Variants in NECAB2 observed in about 807,000 individuals in gnomAD.
The protein encoded by NECAB2 is N-terminal EF-hand calcium-binding protein 2.
NECAB2 carries 68 observed loss-of-function variants against 51.9 expected under a neutral mutation model. The ratio of observed to expected loss-of-function variants is 1.31; its 90% CI spans 1.08 to 1.60. NECAB2 has a LOEUF of 1.60. Among genes scored for constraint, NECAB2 ranks in the 40% most tolerant of loss-of-function variants. NECAB2 has a pLI of 0.00. For missense variants in NECAB2, 854 were observed against 490.3 expected (o/e 1.74, Z -7.00); for synonymous variants, 329 against 203.5 (o/e 1.62, Z -5.25).
chr16:83,965,645 T>C, upstream of NECAB2: 10 of 1,613,372 alleles, frequency 6.2e-6, no homozygotes, highest in Non-Finnish European at 8.5e-6. Context: ...CTATGAGGGT[T>C]ACCGCAGCCT....
intron 2 of NECAB2, among the ~76,000 whole-genome samples, chr16:83,974,520 G>A (rs111424076): frequency 2.4e-4 from 36 of 152,288 alleles, no homozygotes; most frequent in African/African-American, 8.4e-4. Flanking sequence ...GAGGCTGCCA[G>A]CAGTCACTGA....
At chr16:83,994,499 G>A (rs16962439) in intron 7 of NECAB2, 79 bp downstream of exon 7, 4 of 1,590,048 alleles carry the variant, frequency 2.5e-6, no homozygotes, top group Non-Finnish European at 3.5e-6. Flanking sequence ...ACAGGGACTG[G>A]GGAGATGAGC....
chr16:83,968,495 G>C lies in NECAB2; in HGVS notation c.-154G>C. 1 of 486,920 alleles carries C rather than the reference G, an allele frequency of 2.1e-6. No individual in the cohort carries two copies. Among genetic ancestry groups the C allele is most frequent in the Non-Finnish European group, 2.6e-6 (1 of 378,270 alleles). The allele number at this position is 486,920 out of a possible 1,614,324, so 30.2% of individuals were successfully genotyped here. On this transcript the variant is annotated 5_prime_UTR_variant, in exon 1 of 13. Coordinates refer to ENST00000305202, the MANE Select transcript of NECAB2 (RefSeq NM_019065.3). ...TCGGGGTCCGGCCGGCCCGCCCCCC[G>C]GCGCCGGCCAGTCCCCGCGGTGTCC...
At chr16:83,998,487 G>A (rs1387731523) in intron 10 of NECAB2, among the ~76,000 whole-genome samples, 170 bp downstream of exon 10, 1 of 152,170 alleles carries the variant, frequency 6.6e-6, no homozygotes. Context: ...GTTCCTCCCA[G>A]CCAAGCAAAT....
intron 2 of NECAB2, among the ~76,000 whole-genome samples, chr16:83,977,302 A>AG (rs1457256985): frequency 6.6e-6 from 1 of 151,668 alleles, no homozygotes; most frequent in Non-Finnish European, 1.5e-5. Context: ...ATCCTTGAGG[A>AG]GGGGGGAGGT....
intron 5 of NECAB2, among the ~76,000 whole-genome samples, chr16:83,986,450 T>C (rs536644830): frequency 8.1e-4 from 123 of 152,350 alleles, no homozygotes; most frequent in African/African-American, 2.7e-3. Context: ...AATGCATGAA[T>C]GGTCACTATC....
At chr16:83,996,947 TC>T (rs1434786942) in intron 8 of NECAB2, among the ~76,000 whole-genome samples, 1 of 151,766 alleles carries the variant, frequency 6.6e-6, no homozygotes, top group African/African-American at 2.4e-5. Context: ...CTGTTGCTCA[TC>T]ATAGTGGCAA....
At position 83,990,490 on chromosome 16, in the gene NECAB2, A is replaced by G. The variant is rs779410564; in HGVS notation, c.460-4A>G. 17 of 1,612,592 alleles carry G rather than the reference A, an allele frequency of 1.1e-5. No individual in the cohort carries two copies. The African/African-American group carries it at 1.1e-4, about 10-fold the overall frequency. ...CCTCAGTGCCTCTTCTCTTCCTTCCACAGGTATATGAGGGTGGGAGCAACG... is the reference window on the plus strand; with the variant it reads ...CCTCAGTGCCTCTTCTCTTCCTTCCGCAGGTATATGAGGGTGGGAGCAACG... On this transcript the variant is annotated splice_polypyrimidine_tract_variant and splice_region_variant and intron_variant, in intron 5 of 12. Transcript: ENST00000305202.
chr16:83,986,960 A>C, intron 5 of NECAB2, among the ~76,000 whole-genome samples: 1 of 152,306 alleles, frequency 6.6e-6, no homozygotes, highest in South Asian at 2.1e-4. Flanking sequence ...TGACGGGTAC[A>C]CTAGAAACGC....
intron 5 of NECAB2, among the ~76,000 whole-genome samples, chr16:83,982,377 C>T (rs987196580): frequency 6.6e-6 from 1 of 152,182 alleles, no homozygotes; most frequent in East Asian, 1.9e-4. Flanking sequence ...AGACCTGCTC[C>T]CTTCAAGTAT....
chr16:83,972,622 G>T (rs977020159), intron 2 of NECAB2, among the ~76,000 whole-genome samples: 13 of 152,224 alleles, frequency 8.5e-5, no homozygotes, highest in African/African-American at 1.9e-4. Context: ...TCTTGCCTCT[G>T]TTGACACCAT....
intron 6 of NECAB2, among the ~76,000 whole-genome samples, chr16:83,992,105 GT>G (rs1318043964): frequency 6.8e-6 from 1 of 148,090 alleles, no homozygotes; most frequent in African/African-American, 2.6e-5. Flanking sequence ...CCACCTCTCT[GT>G]TAAAAAGAGA....
At chr16:83,981,344 C>G (rs28635064) in intron 5 of NECAB2, among the ~76,000 whole-genome samples, 2 of 151,986 alleles carry the variant, frequency 1.3e-5, no homozygotes, top group African/African-American at 4.8e-5. Flanking sequence ...GGCATTTTCC[C>G]GGAATCAGGC....
chr16:83,987,913 C>T (rs368177225), intron 5 of NECAB2, among the ~76,000 whole-genome samples: 96 of 152,312 alleles, frequency 6.3e-4, no homozygotes, highest in African/African-American at 2.1e-3. Context: ...TAGCTATATT[C>T]TGTGTCAGTA....
chr16:83,973,004 G>A (rs1258561458), intron 2 of NECAB2, among the ~76,000 whole-genome samples: 1 of 152,230 alleles, frequency 6.6e-6, no homozygotes, highest in African/African-American at 2.4e-5. Flanking sequence ...GGGTAAAGTG[G>A]GGCAATAACA....
At chr16:84,000,858 T>A in intron 11 of NECAB2, 57 bp downstream of exon 11, 1 of 1,563,632 alleles carries the variant, frequency 6.4e-7, no homozygotes, top group Middle Eastern at 1.8e-4. Context: ...GGGGGGGCTG[T>A]CTTCCTGGAG....
chr16:84,002,022 CCCACTGTCAGCTCCTGCCA>C, intron 12 of NECAB2, 106 bp downstream of exon 12: 1 of 1,302,604 alleles, frequency 7.7e-7, no homozygotes, highest in Non-Finnish European at 1.1e-6. Flanking sequence ...TTGCTGTGGG[CCCACTGTCAGCTCCTGCCA>C]CCAATGCCAG....
At chr16:83,982,716 T>C (rs934766996) in intron 5 of NECAB2, among the ~76,000 whole-genome samples, 4 of 152,202 alleles carry the variant, frequency 2.6e-5, no homozygotes, top group Admixed American at 6.5e-5. Context: ...TGTCTACTGA[T>C]ACAAGTTAGA....
intron 6 of NECAB2, 119 bp from the exon 7 acceptor site, chr16:83,994,183 A>T (rs945043618): frequency 3.4e-6 from 3 of 889,228 alleles, no homozygotes; most frequent in African/African-American, 3.3e-5. Flanking sequence ...CCATGATGCA[A>T]GTTCTGTGCA....
Sources: gnomAD v4.1 joint callset for allele counts (sites outside exome capture counted in the v4.1 genomes callset) on GRCh38, gnomAD v4.1.1 for gene constraint, MANE v1.5 for transcripts, NCBI Gene and HGNC (gene_info 2026-07-23, HGNC 2026-07-21) for gene names.